The following DAZL variants were observed in gnomAD, a reference collection of about 807,000 sequenced individuals.
The protein encoded by DAZL is deleted in azoospermia like.
DAZL carries 4 observed loss-of-function variants against 45.0 expected under a neutral mutation model. The ratio of observed to expected loss-of-function variants is 0.09; its 90% CI spans 0.04 to 0.20. The LOEUF (loss-of-function observed/expected upper bound fraction) is 0.20, where lower values mean the gene tolerates loss of function less well. Ranked by LOEUF, DAZL falls within the 10% of genes least tolerant of loss-of-function variation. DAZL has a pLI of 1.00. For missense variants in DAZL, 326 were observed against 351.3 expected (o/e 0.93, Z 0.58); for synonymous variants, 122 against 112.4 (o/e 1.09, Z -0.54).
rs748569230 is a variant in DAZL, at chr3:16,597,001, C to T, written c.345G>A (p.Arg115=). The part of the protein sequence containing the change: ...GKKLKLGPAI[R]KQNLCAYHVQ... ...TTTTGTACTCACATAAATTTTGTTT[C>T]CTGATTGCAGGGCCCAGCTTCAGCT... The change falls in exon 5 of 11, where the codon AGG becomes AGA. Residue 115 remains arginine (R), a synonymous_variant. Coordinates refer to ENST00000399444, the MANE Select transcript of DAZL (RefSeq NM_001351.4). 2 of 1,612,356 alleles carry T rather than the reference C, an allele frequency of 1.2e-6. No individual in the cohort carries two copies. The highest frequency in any genetic ancestry group is 1.7e-5 in the Admixed American group (1 of 60,010).
intron 1 of DAZL, among the ~76,000 whole-genome samples, chr3:16,602,713 T>A (rs1204913247): frequency 1.3e-5 from 2 of 152,198 alleles, no homozygotes; most frequent in Admixed American, 6.5e-5. Flanking sequence ...TGAAAAAGCA[T>A]TTGACAAAAT....
chr3:16,602,182 G>A (rs1442449388), intron 1 of DAZL, among the ~76,000 whole-genome samples: 1 of 152,048 alleles, frequency 6.6e-6, no homozygotes, highest in Admixed American at 6.5e-5. Flanking sequence ...GCAAGAAAAG[G>A]CAAGAAAGCA....
In DAZL at chr3:16,586,849, G is replaced by C. The variant is rs1575414021; in HGVS notation, c.*1811C>G. The C allele has an allele frequency of 6.6e-6, 1 of 152,014 alleles. No individual in the cohort carries two copies. The highest frequency in any genetic ancestry group is 6.6e-5 in the Admixed American group (1 of 15,262). 9.4% of individuals were successfully genotyped at this position (152,014 alleles called of 1,614,324 possible). On this transcript the variant is annotated 3_prime_UTR_variant, in exon 11 of 11. Transcript: ENST00000399444. The stretch of plus-strand genomic sequence containing the variant: ...TATGCAAAGACAGTATCAGCAATAG[G>C]CAGAAGCATATTTCTAAGTTTAGAA...
intron 1 of DAZL, among the ~76,000 whole-genome samples, chr3:16,601,196 C>G (rs1694684064): frequency 6.6e-6 from 1 of 152,152 alleles, no homozygotes; most frequent in South Asian, 2.1e-4. Flanking sequence ...GAAAAGATCT[C>G]TGGTGTCTCT....
chr3:16,598,690 AT>A, intron 1 of DAZL, 92 bp from the exon 2 acceptor site: 2 of 1,291,038 alleles, frequency 1.5e-6, no homozygotes, highest in Non-Finnish European at 2.0e-6. Flanking sequence ...AGTATAAAAT[AT>A]TTTATATAAA....
chr3:16,594,401 G>A (rs1267789744), intron 8 of DAZL, 132 bp downstream of exon 8: 2 of 684,998 alleles, frequency 2.9e-6, no homozygotes, highest in East Asian at 5.9e-5. Flanking sequence ...GTAACAAAAT[G>A]TAACACATTA....
intron 3 of DAZL, 73 bp downstream of exon 3, chr3:16,598,014 A>C: frequency 7.4e-7 from 1 of 1,342,936 alleles, no homozygotes. Context: ...AAGTGTCAGA[A>C]TACCAATTTT....
At chr3:16,601,186 G>T (rs1027561218) in intron 1 of DAZL, among the ~76,000 whole-genome samples, 5 of 152,126 alleles carry the variant, frequency 3.3e-5, no homozygotes, top group South Asian at 2.1e-4. Context: ...TGAATGGTTG[G>T]AAAAGATCTC....
chr3:16,600,402 T>C (rs746279948), intron 1 of DAZL, among the ~76,000 whole-genome samples: 9 of 152,254 alleles, frequency 5.9e-5, no homozygotes, highest in Non-Finnish European at 1.2e-4. Flanking sequence ...TTTGTGCTTA[T>C]ACTTGCTATT....
At chr3:16,595,965 C>A (rs1344132883) in intron 6 of DAZL, among the ~76,000 whole-genome samples, 2 of 151,300 alleles carry the variant, frequency 1.3e-5, no homozygotes, top group African/African-American at 4.8e-5. Context: ...CACCCAGATG[C>A]AGTAATGACT....
At position 16,588,767 on chromosome 3, in the gene DAZL, T is replaced by C; in HGVS notation, c.835-54A>G. The C allele has an allele frequency of 3.6e-6, 5 of 1,407,446 alleles. No individual in the cohort carries two copies. The South Asian group carries it at 5.8e-5, about 16-fold the overall frequency. The allele number at this position is 1,407,446 out of a possible 1,614,324, so 87.2% of individuals were successfully genotyped here. ...TTTACTGAAAATTTCTGATTACTACTATAGATCTGAAAGTTGTCAAAAACT... is the reference window on the plus strand; with the variant it reads ...TTTACTGAAAATTTCTGATTACTACCATAGATCTGAAAGTTGTCAAAAACT... On this transcript the variant is annotated intron_variant, in intron 10 of 10. Transcript: ENST00000399444.
chr3:16,598,651 A>G (rs887885717), intron 1 of DAZL, 53 bp from the exon 2 acceptor site: 1 of 1,518,532 alleles, frequency 6.6e-7, no homozygotes, highest in Non-Finnish European at 8.8e-7. Context: ...AAACCTATAC[A>G]TAATGTGAAA....
At chr3:16,595,553 T>C (rs1694586534) in intron 6 of DAZL, among the ~76,000 whole-genome samples, 168 bp from the exon 7 acceptor site, 2 of 152,044 alleles carry the variant, frequency 1.3e-5, no homozygotes, top group African/African-American at 2.4e-5. Context: ...AAATATTCTC[T>C]GTCAAGTGTT....
In DAZL at chr3:16,605,341, A is replaced by T; in HGVS notation, c.-136T>A. 9.1e-7 allele frequency: 1 copy of T among 1,097,820 alleles called. No individual in the cohort carries two copies. Among genetic ancestry groups the T allele is most frequent in the South Asian group, 1.2e-5 (1 of 80,322 alleles). 68.0% of individuals were successfully genotyped at this position (1,097,820 alleles called of 1,614,324 possible). A position where few individuals can be genotyped will look rare whatever the true frequency, so the allele number is the denominator to read the frequency against. On this transcript the variant is annotated 5_prime_UTR_variant, in exon 1 of 11. Transcript: ENST00000399444. ...GAGTGGTCAAAGGAGCCAAAGATGA[A>T]GAGAAAAGGAAAACCAAGAGCGGGT...
chr3:16,602,419 G>C (rs1373197463), intron 1 of DAZL, among the ~76,000 whole-genome samples: 1 of 152,136 alleles, frequency 6.6e-6, no homozygotes, highest in Non-Finnish European at 1.5e-5. Context: ...GTGTATGTTT[G>C]TGTCAGAGAG....
intron 1 of DAZL, among the ~76,000 whole-genome samples, chr3:16,603,703 T>C (rs766564772): frequency 6.6e-6 from 1 of 152,162 alleles, no homozygotes. Flanking sequence ...TTCGGTAAAA[T>C]AATGGTATAA....
In DAZL at chr3:16,605,338, T is replaced by G; in HGVS notation, c.-133A>C. The G allele has an allele frequency of 1.7e-6, 2 of 1,144,424 alleles. No individual in the cohort carries two copies. Among genetic ancestry groups the G allele is most frequent in the South Asian group, 2.5e-5 (2 of 81,432 alleles). 70.9% of individuals were successfully genotyped at this position (1,144,424 alleles called of 1,614,324 possible). ...TTCGAGTGGTCAAAGGAGCCAAAGA[T>G]GAAGAGAAAAGGAAAACCAAGAGCG... On this transcript the variant is annotated 5_prime_UTR_variant, in exon 1 of 11. Coordinates refer to ENST00000399444, the MANE Select transcript of DAZL (RefSeq NM_001351.4).
In DAZL at chr3:16,590,104, G is replaced by A. The variant is rs200538193; in HGVS notation, c.835-1391C>T. On this transcript the variant is annotated intron_variant, in intron 10 of 10. Coordinates refer to ENST00000399444, the MANE Select transcript of DAZL (RefSeq NM_001351.4). ...AAAAAACCACAGAAGACTATCTTCT[G>A]CTTTGAAAATCATTTAAGTACTACT... 4.6e-5 allele frequency among the ~76,000 whole-genome samples: 7 copies of A among 152,184 alleles called. No homozygotes were observed. The East Asian group carries it at 9.7e-4, about 21-fold the overall frequency.
chr3:16,587,098 G>C lies in DAZL; in HGVS notation c.*1562C>G, dbSNP rs1005004053. ...ATGTTATAGCACCAAAAAAACTACAGATCATTTTTAAATGGACAAATTCAT... is the reference window on the plus strand; with the variant it reads ...ATGTTATAGCACCAAAAAAACTACACATCATTTTTAAATGGACAAATTCAT... On this transcript the variant is annotated 3_prime_UTR_variant, in exon 11 of 11. Transcript: ENST00000399444. 4 of 152,082 alleles carry C rather than the reference G, an allele frequency of 2.6e-5. No individual in the cohort carries two copies. The highest frequency in any genetic ancestry group is 9.7e-5 in the African/African-American group (4 of 41,422). The allele number at this position is 152,082 out of a possible 1,614,324, so 9.4% of individuals were successfully genotyped here.
Sources: allele counts gnomAD v4.1 joint callset (sites outside exome capture counted in the v4.1 genomes callset), GRCh38; gene constraint gnomAD v4.1.1; transcripts MANE v1.5; gene names NCBI Gene and HGNC (gene_info 2026-07-23, HGNC 2026-07-21).